DAB1: variants seen among roughly 807,000 people sequenced by gnomAD.
DAB1 encodes DAB adaptor protein 1, also known as disabled homolog 1.
DAB1 carries 15 observed loss-of-function variants against 64.6 expected under a neutral mutation model. The observed-to-expected ratio is 0.23, with a 90% CI of 0.16 to 0.36. DAB1 has a LOEUF of 0.36. DAB1 is among the 10% of genes least tolerant of loss of function. DAB1 has a pLI of 1.00. For synonymous variants in DAB1, 235 were observed against 251.9 expected (o/e 0.93, Z 0.64); for missense variants, 596 against 706.7 (o/e 0.84, Z 1.78).
At chr1:57,923,806 A>G (rs1570002588) in intron 5 of DAB1, among the ~76,000 whole-genome samples, 1 of 152,376 alleles carries the variant, frequency 6.6e-6, no homozygotes, top group South Asian at 2.1e-4. Flanking sequence ...AGCATTAATA[A>G]TAAATGCCTC....
intron 14 of DAB1, among the ~76,000 whole-genome samples, chr1:57,008,577 T>C (rs1646166926): frequency 6.6e-6 from 1 of 152,216 alleles, no homozygotes; most frequent in South Asian, 2.1e-4. Context: ...TTTTTATCCT[T>C]ATTTTTCAAA....
intron 2 of DAB1, among the ~76,000 whole-genome samples, chr1:57,194,667 C>A (rs1156903556): frequency 1.3e-5 from 2 of 152,208 alleles, no homozygotes; most frequent in Non-Finnish European, 2.9e-5. Context: ...CCCCAACTCT[C>A]AGTGACAAAT....
intron 5 of DAB1, among the ~76,000 whole-genome samples, chr1:58,105,371 T>C (rs1651570330): frequency 6.6e-6 from 1 of 152,198 alleles, no homozygotes; most frequent in East Asian, 1.9e-4. Flanking sequence ...TGCCCATAAA[T>C]ACAAGGGCTG....
intron 5 of DAB1, among the ~76,000 whole-genome samples, chr1:57,934,770 T>C (rs1645002634): frequency 6.6e-6 from 1 of 152,148 alleles, no homozygotes. Flanking sequence ...CGCAGTAGGG[T>C]TACGCTGCGA....
At chr1:57,343,200 A>G (rs933822290) in intron 1 of DAB1, among the ~76,000 whole-genome samples, 15 of 152,142 alleles carry the variant, frequency 9.9e-5, no homozygotes, top group African/African-American at 3.6e-4. Flanking sequence ...CCAAGTCCCC[A>G]CCAGAGTAGC....
At chr1:57,113,272 C>G (rs896974675) in intron 4 of DAB1, among the ~76,000 whole-genome samples, 1 of 152,144 alleles carries the variant, frequency 6.6e-6, no homozygotes, top group Non-Finnish European at 1.5e-5. Flanking sequence ...CCCACTAATC[C>G]TTTTAGAAAT....
chr1:57,068,284 C>T (rs1436210501), intron 8 of DAB1, among the ~76,000 whole-genome samples: 12 of 152,272 alleles, frequency 7.9e-5, no homozygotes, highest in African/African-American at 2.9e-4. Context: ...ATTAAAGATA[C>T]TTGGTAAGCC....
chr1:57,920,689 C>G (rs1266138126), intron 5 of DAB1, among the ~76,000 whole-genome samples: 1 of 152,132 alleles, frequency 6.6e-6, no homozygotes, highest in Non-Finnish European at 1.5e-5. Flanking sequence ...TACAAAATAC[C>G]TACTTCCTAG....
chr1:57,480,105 T>A (rs1251360538), intron 7 of DAB1, among the ~76,000 whole-genome samples: 6 of 145,364 alleles, frequency 4.1e-5, no homozygotes, highest in Non-Finnish European at 7.4e-5. Flanking sequence ...TGAGTCGAGA[T>A]CGCGCCACTG....
chr1:57,852,651 C>A (rs975902869), intron 1 of DAB1, among the ~76,000 whole-genome samples: 2 of 152,058 alleles, frequency 1.3e-5, no homozygotes, highest in Non-Finnish European at 2.9e-5. Context: ...GCCCAGGAAT[C>A]CAGGTCAACC....
intron 5 of DAB1, among the ~76,000 whole-genome samples, chr1:57,984,189 AAAGAAAGAAAGAAAGAAAG>A (rs1557594889): frequency 0.016 from 1,596 of 101,850 alleles, 108 homozygotes; most frequent in Admixed American, 0.028. Context: ...TAAAAAAAAG[AAAGAAAGAAAGAAAGAAAG>A]AAAGAAAGAA....
At chr1:58,475,335 T>C (rs1265669934) in intron 3 of DAB1, among the ~76,000 whole-genome samples, 2 of 152,088 alleles carry the variant, frequency 1.3e-5, no homozygotes, top group Admixed American at 1.3e-4. Context: ...CTAATTTTTG[T>C]ATTTTTAGTA....
chr1:57,238,684 C>T (rs1192867209), intron 2 of DAB1, among the ~76,000 whole-genome samples: 1 of 152,160 alleles, frequency 6.6e-6, no homozygotes, highest in Non-Finnish European at 1.5e-5. Flanking sequence ...TCCAGGGCAT[C>T]TGCACTTCAC....
chr1:58,198,590 T>C (rs551737763), intron 4 of DAB1, among the ~76,000 whole-genome samples: 5 of 152,312 alleles, frequency 3.3e-5, no homozygotes, highest in African/African-American at 1.2e-4. Flanking sequence ...AACCAACCTC[T>C]TCTATATTCT....
intron 5 of DAB1, among the ~76,000 whole-genome samples, chr1:57,963,647 G>A (rs1452142468): frequency 1.3e-5 from 2 of 152,128 alleles, no homozygotes; most frequent in Non-Finnish European, 2.9e-5. Context: ...CCCAGAATCA[G>A]TCCTGAAAAT....
chr1:58,420,397 T>C (rs942816418), intron 3 of DAB1, among the ~76,000 whole-genome samples: 3 of 152,232 alleles, frequency 2.0e-5, no homozygotes, highest in African/African-American at 4.8e-5. Context: ...TTTAACTGTA[T>C]GATTCCCTTT....
chr1:58,434,019 G>A (rs1417048412), intron 3 of DAB1, among the ~76,000 whole-genome samples: 1 of 152,122 alleles, frequency 6.6e-6, no homozygotes, highest in Admixed American at 6.5e-5. Flanking sequence ...GGTAGAAGTA[G>A]AGTATGGGCA....
At position 57,071,347 on chromosome 1, in the gene DAB1, A is replaced by G. The variant is rs931048359; in HGVS notation, c.558+175T>C. ...ACTTCATCTAACATGTCTAGAGTTT[A>G]AGAGAATAAGGAATAATTTCTAATG... On this transcript the variant is annotated intron_variant, in intron 6 of 14. Transcript: ENST00000371236. The G allele has an allele frequency of 1.8e-5, 14 of 769,980 alleles. No homozygotes were observed. In the African/African-American group the frequency reaches 2.1e-4, roughly 12 times the overall value. 47.7% of individuals were successfully genotyped at this position (769,980 alleles called of 1,614,324 possible). A position where few individuals can be genotyped will look rare whatever the true frequency, so the allele number is the denominator to read the frequency against.
chr1:57,538,065 T>TC (rs1240862613), intron 7 of DAB1, among the ~76,000 whole-genome samples: 1 of 152,072 alleles, frequency 6.6e-6, no homozygotes, highest in African/African-American at 2.4e-5. Context: ...CCTAAACACC[T>TC]CCCGCTGGCC....
Sources: allele counts gnomAD v4.1 joint callset (sites outside exome capture counted in the v4.1 genomes callset), GRCh38; gene constraint gnomAD v4.1.1; transcripts MANE v1.5; gene names NCBI Gene and HGNC (gene_info 2026-07-23, HGNC 2026-07-21).